Variants in CIPC observed in about 807,000 individuals in gnomAD.
CIPC encodes the protein CLOCK-interacting pacemaker.
A neutral mutation model predicts 26.7 loss-of-function variants in CIPC; 12 were observed. That is an observed-to-expected ratio of 0.45 (90% CI 0.29 to 0.73). CIPC has a LOEUF of 0.73. CIPC is among the 30% of genes least tolerant of loss of function. The probability of loss-of-function intolerance (pLI) is 0.12; values close to 1 mark genes in which losing one functional copy is unlikely to be tolerated. For missense variants in CIPC, 417 were observed against 486.5 expected (o/e 0.86, Z 1.34); for synonymous variants, 170 against 189.8 (o/e 0.90, Z 0.86).
In CIPC at chr14:77,114,106, C is replaced by T; in HGVS notation, c.988C>T (p.Leu330=). Residue 330 remains leucine, a synonymous_variant, in exon 4 of 4, where the codon CTG becomes TTG. Transcript: ENST00000361786. ...AGTAGTCCTACATAAATCTGGTTTG[C>T]TGGAGATCACTTTGAAAACCAAGGA... ...TLVVLHKSGL[L]EITLKTKELI... 3 of 1,614,086 alleles carry T rather than the reference C, an allele frequency of 1.9e-6. No homozygotes were observed. The highest frequency in any genetic ancestry group is 2.5e-6 in the Non-Finnish European group (3 of 1,180,032).
At chr14:77,100,584 T>C (rs1382337485) in intron 1 of CIPC, among the ~76,000 whole-genome samples, 9 of 151,572 alleles carry the variant, frequency 5.9e-5, no homozygotes, top group African/African-American at 2.2e-4. Context: ...TTTTTTTTTT[T>C]TCTTTTGACG....
chr14:77,104,616 C>G (rs115898802), intron 1 of CIPC, among the ~76,000 whole-genome samples: 1 of 152,148 alleles, frequency 6.6e-6, no homozygotes, highest in Non-Finnish European at 1.5e-5. Flanking sequence ...TGTGCCAAGC[C>G]CCTTGCTCCC....
At chr14:77,112,931 C>T (rs890612496) in intron 3 of CIPC, among the ~76,000 whole-genome samples, 8 of 152,078 alleles carry the variant, frequency 5.3e-5, no homozygotes, top group Admixed American at 2.6e-4. Flanking sequence ...AGGCTGGTCT[C>T]GAACTCCTGA....
rs191457596 is a variant in CIPC at position 77,112,913 on chromosome 14, C to T, written c.307-512C>T. 4.6e-5 allele frequency among the ~76,000 whole-genome samples: 7 copies of T among 152,202 alleles called. No individual in the cohort carries two copies. The South Asian group carries it at 6.2e-4, about 14-fold the overall frequency. ...TTTTTAGTAGAGACGGGGTTTCACA[C>T]GTTGGCCAGGCTGGTCTCGAACTCC... On this transcript the variant is annotated intron_variant, in intron 3 of 3. Transcript: ENST00000361786.
At chr14:77,100,650 A>C (rs1485577917) in intron 1 of CIPC, among the ~76,000 whole-genome samples, 1 of 150,222 alleles carries the variant, frequency 6.7e-6, no homozygotes, top group African/African-American at 2.5e-5. Flanking sequence ...GCTCACTGCA[A>C]CTCCACATCC....
chr14:77,113,745 A>T lies in CIPC; in HGVS notation c.627A>T (p.Pro209=), dbSNP rs763374313. ...AGCCAACCAAGGCTGGTGCTGTCCC[A>T]TCCAGTCCCTCGACGCCAGCACCAC... ...SSEPTKAGAV[P]SSPSTPAPPS... The change falls in exon 4 of 4, where the codon CCA becomes CCT. Residue 209 remains proline, a synonymous_variant. Coordinates refer to ENST00000361786, the MANE Select transcript of CIPC (RefSeq NM_033426.3). The T allele has an allele frequency of 6.2e-7, 1 of 1,612,926 alleles. No homozygotes were observed. The highest frequency in any genetic ancestry group is 8.5e-7 in the Non-Finnish European group (1 of 1,179,236).
Position 77,113,420 on chromosome 14 carries a change from T to C in CIPC, c.307-5T>C. ...TAGTGTGCTGCTCTCCTCCTTTGTC[T>C]TCAGGGCAGCAGCTCATCCCAGCTC... On this transcript the variant is annotated splice_polypyrimidine_tract_variant and splice_region_variant and intron_variant, in intron 3 of 3. Coordinates refer to ENST00000361786, the MANE Select transcript of CIPC (RefSeq NM_033426.3). 1 of 1,614,014 alleles carries C rather than the reference T, an allele frequency of 6.2e-7. No individual in the cohort carries two copies. The highest frequency in any genetic ancestry group is 2.2e-5 in the East Asian group (1 of 44,874).
At chr14:77,110,016 A>G in intron 3 of CIPC, 35 bp downstream of exon 3, 2 of 1,596,074 alleles carry the variant, frequency 1.3e-6, no homozygotes, top group South Asian at 1.1e-5. Context: ...AGTCTTTGCA[A>G]ATAAAAATCT....
At chr14:77,110,113 T>TGGG in intron 3 of CIPC, 132 bp downstream of exon 3, 1 of 809,848 alleles carries the variant, frequency 1.2e-6, no homozygotes, top group Non-Finnish European at 1.9e-6. Context: ...CACCAATGTG[T>TGGG]ACTTTCTGTC....
chr14:77,102,238 AG>A (rs1387719661), intron 1 of CIPC, among the ~76,000 whole-genome samples: 1 of 152,142 alleles, frequency 6.6e-6, no homozygotes, highest in African/African-American at 2.4e-5. Context: ...TTCTGGAATG[AG>A]GGTTTTATGA....
intron 1 of CIPC, among the ~76,000 whole-genome samples, chr14:77,103,751 G>A (rs1201529173): frequency 6.6e-6 from 1 of 152,134 alleles, no homozygotes; most frequent in Non-Finnish European, 1.5e-5. Flanking sequence ...CTGGGCTTCA[G>A]TCTTACATGT....
In CIPC at chr14:77,113,491, C is replaced by G. The variant is rs1394677370; in HGVS notation, c.373C>G (p.Pro125Ala). 1 of 1,614,052 alleles carries G rather than the reference C, an allele frequency of 6.2e-7. No individual in the cohort carries two copies. The change falls in exon 4 of 4, where the codon CCA (proline) becomes GCA (alanine). Residue 125 changes from proline to alanine, a missense_variant. Pro to Ala is a conservative substitution (Grantham distance 27). Transcript: ENST00000361786. ...QPSFEVISAQ[P>A]QLLFLHPPVP... is the part of the protein sequence containing the mutation. ...CTCCTTTGAAGTGATCTCAGCACAG[C>G]CACAGCTCTTATTCCTTCATCCACC... is the stretch of plus-strand genomic sequence containing the variant.
chr14:77,102,771 G>C (rs552875120), intron 1 of CIPC, among the ~76,000 whole-genome samples: 14 of 152,264 alleles, frequency 9.2e-5, no homozygotes, highest in African/African-American at 3.1e-4. Context: ...AGCCTGGTCC[G>C]ACATGAATTA....
Position 77,105,777 on chromosome 14 carries a change from G to C in CIPC, c.69G>C (p.Glu23Asp). Residue 23 changes from glutamate to aspartate, a missense_variant, in exon 2 of 4, where the codon GAG (glutamate) becomes GAC (aspartate). By Grantham distance (45) the Glu-to-Asp change is conservative. Coordinates refer to ENST00000361786, the MANE Select transcript of CIPC (RefSeq NM_033426.3). Reference sequence around the variant, plus strand: ...CTGCCAAAGTAGGCAAAGGCACAGAGATGAAGAAAGTGGCTCGTCAGCTTG... The same window carrying C: ...CTGCCAAAGTAGGCAAAGGCACAGACATGAAGAAAGTGGCTCGTCAGCTTG... ...RLSAKVGKGT[E>D]MKKVARQLGM... The C allele has an allele frequency of 6.2e-7, 1 of 1,614,208 alleles. No individual in the cohort carries two copies.
At position 77,107,658 on chromosome 14, in the gene CIPC, A is replaced by ACACACT. The variant is rs1287077545; in HGVS notation, c.136+1815_136+1816insACACTC. On this transcript the variant is annotated intron_variant, in intron 2 of 3. Coordinates refer to ENST00000361786, the MANE Select transcript of CIPC (RefSeq NM_033426.3). ...CACACACACACACACACACACACACACTCTCTCTCTGAATTATTTGAAAGT... is the reference window on the plus strand; with the variant it reads ...CACACACACACACACACACACACACACACACTCTCTCTCTCTGAATTATTTGAAAGT... Among the ~76,000 whole-genome samples the ACACACT allele has an allele frequency of 4.0e-3, 576 of 145,252 alleles. 2 individuals are homozygous for ACACACT. The highest frequency in any genetic ancestry group is 0.015 in the African/African-American group (556 of 36,962).
intron 1 of CIPC, among the ~76,000 whole-genome samples, chr14:77,101,313 C>A (rs755353348): frequency 1.6e-4 from 24 of 152,166 alleles, no homozygotes; most frequent in Non-Finnish European, 2.6e-4. Flanking sequence ...TGCTGCTACT[C>A]CTCCGAAAGA....
chr14:77,104,024 A>G (rs1886543895), intron 1 of CIPC, among the ~76,000 whole-genome samples: 1 of 152,124 alleles, frequency 6.6e-6, no homozygotes, highest in Non-Finnish European at 1.5e-5. Flanking sequence ...AATGATCTCA[A>G]TGCCACTCTT....
intron 3 of CIPC, 191 bp from the exon 4 acceptor site, chr14:77,113,234 C>A: frequency 1.5e-6 from 1 of 666,664 alleles, no homozygotes; most frequent in Non-Finnish European, 2.7e-6. Flanking sequence ...TCCAGTTTTC[C>A]CTTAGAAAAA....
chr14:77,106,064 T>C (rs1886585773), intron 2 of CIPC: 1 of 379,256 alleles, frequency 2.6e-6, no homozygotes, highest in South Asian at 7.2e-5. Flanking sequence ...TTTTTTCAAC[T>C]TAGACTCTGA....
Sources: gnomAD v4.1 joint callset for allele counts (sites outside exome capture counted in the v4.1 genomes callset) on GRCh38, gnomAD v4.1.1 for gene constraint, MANE v1.5 for transcripts, NCBI Gene and HGNC (gene_info 2026-07-23, HGNC 2026-07-21) for gene names.